The following MAP2 variants were observed in gnomAD, a reference collection of about 807,000 sequenced individuals.
MAP2 encodes the protein microtubule-associated protein 2.
In MAP2, 14 loss-of-function variants were observed where a neutral mutation model predicts 137.6. That is an observed-to-expected ratio of 0.10 (90% CI 0.07 to 0.16). The LOEUF is 0.16. MAP2 is among the 10% of genes least tolerant of loss of function. The pLI is 1.00. For missense variants in MAP2, 2,088 were observed against 2,191.5 expected (o/e 0.95, Z 0.94); for synonymous variants, 786 against 782.3 (o/e 1.00, Z -0.08).
rs562421271 is a variant in MAP2 at position 209,660,701 on chromosome 2, AATTATTATTATTATTATT to A, written c.262+7300_262+7317del. 5.2e-3 allele frequency among the ~76,000 whole-genome samples: 540 copies of A among 104,432 alleles called. 6 individuals are homozygous for A. The highest frequency in any genetic ancestry group is 0.018 in the African/African-American group (485 of 26,420). The allele number at this position is 104,432 out of a possible 152,430, so 68.5% of individuals were successfully genotyped here. A position where few individuals can be genotyped will look rare whatever the true frequency, so the allele number is the denominator to read the frequency against. ...TGAGCCACCGTGCCCGGCCTGCTGC[AATTATTATTATTATTATT>A]ATTATTATTATTATTATTATTATTA... On this transcript the variant is annotated intron_variant, in intron 5 of 15. Coordinates refer to ENST00000682079, the MANE Select transcript of MAP2 (RefSeq NM_001375505.1).
chr2:209,625,815 T>C (rs1465663780), intron 4 of MAP2, among the ~76,000 whole-genome samples: 1 of 152,174 alleles, frequency 6.6e-6, no homozygotes, highest in Non-Finnish European at 1.5e-5. Context: ...CATTTGTTCC[T>C]CACAAAATTT....
chr2:209,504,096 T>TG (rs1341755328), intron 1 of MAP2, among the ~76,000 whole-genome samples: 4 of 136,354 alleles, frequency 2.9e-5, no homozygotes, highest in African/African-American at 7.8e-5. Flanking sequence ...ACCCTGTCTC[T>TG]GGAAAAAAAA....
At chr2:209,624,571 A>T (rs2091937077) in intron 3 of MAP2, among the ~76,000 whole-genome samples, 2 of 152,308 alleles carry the variant, frequency 1.3e-5, no homozygotes, top group Admixed American at 6.5e-5. Flanking sequence ...TTAGTACTCC[A>T]TGGAGAAAAT....
At chr2:209,515,605 A>G (rs2062376791) in intron 2 of MAP2, among the ~76,000 whole-genome samples, 1 of 152,104 alleles carries the variant, frequency 6.6e-6, no homozygotes, top group Non-Finnish European at 1.5e-5. Context: ...AACCGCGCCC[A>G]TGATTCAATG....
chr2:209,579,732 A>C (rs1184616744), intron 2 of MAP2: 1 of 152,114 alleles, frequency 6.6e-6, no homozygotes, highest in Non-Finnish European at 1.5e-5. Flanking sequence ...GCTAGACTTG[A>C]GTGGTATTGC....
intron 2 of MAP2, among the ~76,000 whole-genome samples, chr2:209,517,571 C>G (rs1360293780): frequency 6.6e-6 from 1 of 151,894 alleles, no homozygotes; most frequent in African/African-American, 2.4e-5. Flanking sequence ...ATAGTTTTTA[C>G]AAGTTCGTTA....
At position 209,731,859 on chromosome 2, in the gene MAP2, A is replaced by T. The variant is rs2075820487; in HGVS notation, c.*1462A>T. ...ATATCTAAATCAGTTTTTTTCCAAG[A>T]CTCCAACATTGCACTCTGTAAAGTA... On this transcript the variant is annotated 3_prime_UTR_variant, in exon 16 of 16. Transcript: ENST00000682079. The T allele has an allele frequency of 6.6e-6, 1 of 152,026 alleles. No homozygotes were observed. Among genetic ancestry groups the T allele is most frequent in the South Asian group, 2.1e-4 (1 of 4,822 alleles). The allele number at this position is 152,026 out of a possible 1,614,324, so 9.4% of individuals were successfully genotyped here.
Position 209,655,318 on chromosome 2 carries a change from G to T in MAP2, c.262+1886G>T, listed in dbSNP as rs1418036206. On this transcript the variant is annotated intron_variant, in intron 5 of 15. Coordinates refer to ENST00000682079, the MANE Select transcript of MAP2 (RefSeq NM_001375505.1). ...AAAAATTGTAAACAGTCAGCCATGG[G>T]CTACCAGAGTGATAGTCAATCCAAA... 2.0e-5 allele frequency among the ~76,000 whole-genome samples: 3 copies of T among 152,154 alleles called. 1 individual carries two copies. Among genetic ancestry groups the T allele is most frequent in the African/African-American group, 7.2e-5 (3 of 41,422 alleles).
chr2:209,497,525 G>T (rs570645291), intron 1 of MAP2, among the ~76,000 whole-genome samples: 1 of 152,268 alleles, frequency 6.6e-6, no homozygotes, highest in Non-Finnish European at 1.5e-5. Context: ...TTGCTATAAA[G>T]AAATACATAG....
At chr2:209,468,571 C>T (rs976831221) in intron 1 of MAP2, among the ~76,000 whole-genome samples, 12 of 151,918 alleles carry the variant, frequency 7.9e-5, no homozygotes, top group Admixed American at 6.6e-4. Context: ...CCACCCGCCT[C>T]GGCCTCCCAA....
At chr2:209,621,768 T>C (rs929408209) in intron 3 of MAP2, among the ~76,000 whole-genome samples, 1 of 152,174 alleles carries the variant, frequency 6.6e-6, no homozygotes, top group Non-Finnish European at 1.5e-5. Flanking sequence ...CAGGAGACTC[T>C]GAAAATCTGC....
intron 5 of MAP2, among the ~76,000 whole-genome samples, chr2:209,664,376 C>A (rs538836122): frequency 2.0e-5 from 3 of 151,650 alleles, no homozygotes; most frequent in Admixed American, 2.0e-4. Context: ...ATAGTGAAAC[C>A]CTGTCTCTAC....
At chr2:209,613,236 G>GT (rs2087644165) in intron 3 of MAP2, among the ~76,000 whole-genome samples, 2 of 145,904 alleles carry the variant, frequency 1.4e-5, no homozygotes, top group South Asian at 2.2e-4. Flanking sequence ...CTCTTAACGT[G>GT]TTTTTTATTT....
chr2:209,581,837 C>T (rs1431764705), intron 3 of MAP2, among the ~76,000 whole-genome samples: 1 of 152,170 alleles, frequency 6.6e-6, no homozygotes, highest in Admixed American at 6.5e-5. Flanking sequence ...AAGGGGCATA[C>T]AATCTCACCA....
intron 1 of MAP2, among the ~76,000 whole-genome samples, chr2:209,489,438 G>A (rs1255005045): frequency 6.6e-6 from 1 of 152,208 alleles, no homozygotes; most frequent in African/African-American, 2.4e-5. Flanking sequence ...GACGGAGAAT[G>A]AGTTTGATGA....
At chr2:209,652,235 A>G (rs2094851902) in intron 4 of MAP2, among the ~76,000 whole-genome samples, 1 of 151,980 alleles carries the variant, frequency 6.6e-6, no homozygotes, top group Non-Finnish European at 1.5e-5. Flanking sequence ...CTCCTCCACA[A>G]CTCATTCATC....
At chr2:209,578,620 A>G (rs2075733410) in intron 2 of MAP2, among the ~76,000 whole-genome samples, 1 of 152,120 alleles carries the variant, frequency 6.6e-6, no homozygotes, top group East Asian at 1.9e-4. Context: ...TCAGGTTGCT[A>G]ACAATGCTGT....
chr2:209,543,735 G>A (rs74506810), intron 2 of MAP2, among the ~76,000 whole-genome samples: 4,113 of 152,240 alleles, frequency 0.027, 191 homozygotes, highest in African/African-American at 0.094. Context: ...GTATTTTAAA[G>A]ATTTAAGGGC....
chr2:209,705,151 C>T (rs2063019663), intron 11 of MAP2, among the ~76,000 whole-genome samples: 1 of 151,962 alleles, frequency 6.6e-6, no homozygotes, highest in African/African-American at 2.4e-5. Flanking sequence ...AGGATATAAA[C>T]TATAAAGGGT....
Sources: gnomAD v4.1 joint callset for allele counts (sites outside exome capture counted in the v4.1 genomes callset) on GRCh38, gnomAD v4.1.1 for gene constraint, MANE v1.5 for transcripts, NCBI Gene and HGNC (gene_info 2026-07-23, HGNC 2026-07-21) for gene names.